The following HCN1 variants were observed in gnomAD, a reference collection of about 807,000 sequenced individuals.
The protein encoded by HCN1 is potassium/sodium hyperpolarization-activated cyclic nucleotide-gated channel 1.
A neutral mutation model predicts 78.9 loss-of-function variants in HCN1; 13 were observed. The observed-to-expected ratio is 0.16, with a 90% CI of 0.11 to 0.26. The LOEUF (loss-of-function observed/expected upper bound fraction) is 0.26, where lower values mean the gene tolerates loss of function less well. HCN1 is among the 10% of genes least tolerant of loss of function. HCN1 has a pLI of 1.00. For synonymous variants in HCN1, 552 were observed against 455.5 expected, an observed-to-expected ratio of 1.21 and a Z score of -2.70; for missense variants, 810 against 1,154.3, an observed-to-expected ratio of 0.70 and a Z score of 4.32.
rs566772703 is a variant in HCN1 at position 45,545,548 on chromosome 5, C to A, written c.850-83541G>T. On this transcript the variant is annotated intron_variant, in intron 2 of 7. Coordinates refer to ENST00000303230, the MANE Select transcript of HCN1 (RefSeq NM_021072.4). ...ATGCCTATGTCCTGAATGGTATTGCCTAGGTTTTCTTCTAGGGTTTTTATG... is the reference window on the plus strand; with the variant it reads ...ATGCCTATGTCCTGAATGGTATTGCATAGGTTTTCTTCTAGGGTTTTTATG... Among the ~76,000 whole-genome samples the A allele has an allele frequency of 8.6e-3, 1,303 of 151,984 alleles. 22 individuals carry two copies. The highest frequency in any genetic ancestry group is 0.031 in the African/African-American group (1,270 of 41,484).
At chr5:45,554,357 G>A (rs1414072033) in intron 2 of HCN1, among the ~76,000 whole-genome samples, 1 of 151,702 alleles carries the variant, frequency 6.6e-6, no homozygotes, top group African/African-American at 2.4e-5. Flanking sequence ...TGTTTTTCAT[G>A]ACCCTGATAA....
chr5:45,480,465 T>C (rs1318899776), intron 2 of HCN1, among the ~76,000 whole-genome samples: 1 of 152,156 alleles, frequency 6.6e-6, no homozygotes, highest in African/African-American at 2.4e-5. Flanking sequence ...AGTTTGAGCA[T>C]TTGAATGTCA....
chr5:45,535,979 T>A (rs1005974860), intron 2 of HCN1, among the ~76,000 whole-genome samples: 3 of 152,166 alleles, frequency 2.0e-5, no homozygotes, highest in African/African-American at 7.2e-5. Context: ...GATACAGAAT[T>A]CTGGTTGACA....
intron 2 of HCN1, among the ~76,000 whole-genome samples, chr5:45,495,275 T>C (rs1742000603): frequency 8.1e-6 from 1 of 122,932 alleles, no homozygotes; most frequent in African/African-American, 3.2e-5. Context: ...TTTTATTTCC[T>C]TGAGCAGTGG....
chr5:45,440,888 T>C (rs1460534524), intron 3 of HCN1, among the ~76,000 whole-genome samples: 1 of 152,190 alleles, frequency 6.6e-6, no homozygotes, highest in Admixed American at 6.5e-5. Flanking sequence ...AATCTTTCTA[T>C]GGTTTACAAG....
At chr5:45,563,539 A>G (rs1482274861) in intron 2 of HCN1, among the ~76,000 whole-genome samples, 1 of 152,132 alleles carries the variant, frequency 6.6e-6, no homozygotes, top group Non-Finnish European at 1.5e-5. Context: ...ATATGTTGAA[A>G]GTGATATAAG....
At chr5:45,373,095 A>C (rs1050593551) in intron 4 of HCN1, among the ~76,000 whole-genome samples, 5 of 134,016 alleles carry the variant, frequency 3.7e-5, no homozygotes, top group Non-Finnish European at 7.8e-5. Flanking sequence ...AAAATATAAT[A>C]TATATAAAAT....
At chr5:45,678,545 C>T (rs1739638340) in intron 1 of HCN1, among the ~76,000 whole-genome samples, 1 of 151,846 alleles carries the variant, frequency 6.6e-6, no homozygotes. Flanking sequence ...GTTTTAGAGC[C>T]TCCTTCTATT....
intron 2 of HCN1, among the ~76,000 whole-genome samples, chr5:45,587,678 C>A (rs1744262539): frequency 6.6e-6 from 1 of 151,906 alleles, no homozygotes. Context: ...TGTACATGTA[C>A]CCTAGAACTT....
chr5:45,449,958 G>A (rs1740883262), intron 3 of HCN1, among the ~76,000 whole-genome samples: 1 of 151,842 alleles, frequency 6.6e-6, no homozygotes. Context: ...TCAGCCTCCC[G>A]AGTACGTGGG....
At chr5:45,389,095 T>C (rs1289328190) in intron 4 of HCN1, among the ~76,000 whole-genome samples, 1 of 152,134 alleles carries the variant, frequency 6.6e-6, no homozygotes, top group Non-Finnish European at 1.5e-5. Flanking sequence ...GGCTACAAGA[T>C]AGCATGGTTG....
intron 4 of HCN1, among the ~76,000 whole-genome samples, chr5:45,377,374 G>A (rs1747704459): frequency 6.6e-6 from 1 of 151,898 alleles, no homozygotes; most frequent in Non-Finnish European, 1.5e-5. Flanking sequence ...TTGTGCATTT[G>A]TTAAATATTA....
At chr5:45,374,911 G>A (rs2112015675) in intron 4 of HCN1, among the ~76,000 whole-genome samples, 1 of 144,260 alleles carries the variant, frequency 6.9e-6, no homozygotes, top group Admixed American at 7.5e-5. Context: ...GAGAGAGAGA[G>A]AGAACTATAC....
chr5:45,334,990 C>T (rs1329744403), intron 5 of HCN1, among the ~76,000 whole-genome samples: 1 of 151,978 alleles, frequency 6.6e-6, no homozygotes, highest in Admixed American at 6.6e-5. Flanking sequence ...GCATAACTAT[C>T]TATTCGACAA....
At chr5:45,275,315 ATTC>A (rs1745034803) in intron 6 of HCN1, among the ~76,000 whole-genome samples, 1 of 152,102 alleles carries the variant, frequency 6.6e-6, no homozygotes, top group Non-Finnish European at 1.5e-5. Flanking sequence ...GATTAAAAAT[ATTC>A]TTCATAAAAC....
At chr5:45,648,226 A>G (rs1204423962) in intron 1 of HCN1, among the ~76,000 whole-genome samples, 3 of 152,170 alleles carry the variant, frequency 2.0e-5, no homozygotes, top group African/African-American at 7.2e-5. Flanking sequence ...TTCTACAGAC[A>G]TCTTTGCATT....
intron 6 of HCN1, among the ~76,000 whole-genome samples, chr5:45,292,368 C>T (rs1408153262): frequency 6.6e-6 from 1 of 151,992 alleles, no homozygotes; most frequent in Admixed American, 6.6e-5. Context: ...TTTAAATGCT[C>T]AACTGCTATA....
chr5:45,317,965 T>C (rs1250104509), intron 5 of HCN1, among the ~76,000 whole-genome samples: 1 of 152,186 alleles, frequency 6.6e-6, no homozygotes, highest in East Asian at 1.9e-4. Flanking sequence ...ACACTGTTGG[T>C]GGGACTGTAA....
chr5:45,290,659 A>G lies in HCN1; in HGVS notation c.1618+12940T>C, dbSNP rs150396350. Among the ~76,000 whole-genome samples the G allele has an allele frequency of 8.1e-4, 123 of 152,206 alleles. 1 individual carries two copies. The highest frequency in any genetic ancestry group is 2.9e-3 in the African/African-American group (120 of 41,562). On this transcript the variant is annotated intron_variant, in intron 6 of 7. Coordinates refer to ENST00000303230, the MANE Select transcript of HCN1 (RefSeq NM_021072.4). ...TTCAATTAAAGGTGGCTCCAAAAGT[A>G]GATCCAATGCTACCAATATTTACTC...
Sources: gnomAD v4.1 joint callset for allele counts (sites outside exome capture counted in the v4.1 genomes callset) on GRCh38, gnomAD v4.1.1 for gene constraint, MANE v1.5 for transcripts, NCBI Gene and HGNC (gene_info 2026-07-23, HGNC 2026-07-21) for gene names.